Variants in BAZ2B observed in about 807,000 individuals in gnomAD.
BAZ2B encodes bromodomain adjacent to zinc finger domain 2B.
A neutral mutation model predicts 246.0 loss-of-function variants in BAZ2B; 91 were observed. The observed-to-expected ratio is 0.37, with a 90% CI of 0.31 to 0.44. The LOEUF (loss-of-function observed/expected upper bound fraction) is 0.44. Ranked by LOEUF, BAZ2B falls within the 20% of genes least tolerant of loss-of-function variation. BAZ2B has a pLI of 1.00. For missense variants in BAZ2B, 2,332 were observed against 2,533.7 expected (o/e 0.92, Z 1.71); for synonymous variants, 855 against 860.0 (o/e 0.99, Z 0.10).
intron 2 of BAZ2B, among the ~76,000 whole-genome samples, chr2:159,508,619 A>G (rs1048663508): frequency 2.9e-4 from 44 of 152,324 alleles, no homozygotes; most frequent in African/African-American, 1.0e-3. Flanking sequence ...AATAAAAAAA[A>G]AAATTCCATG....
At chr2:159,603,356 G>A (rs985545135) in intron 1 of BAZ2B, among the ~76,000 whole-genome samples, 2 of 152,154 alleles carry the variant, frequency 1.3e-5, no homozygotes, top group Non-Finnish European at 2.9e-5. Flanking sequence ...TTAAAATGCC[G>A]TAAGGAGGCA....
chr2:159,622,987 A>T, the BAZ2B span, among the ~76,000 whole-genome samples: 1 of 130,050 alleles, frequency 7.7e-6, no homozygotes, highest in African/African-American at 2.6e-5. Context: ...AAAAAAAAAG[A>T]AGAATGAAAG....
chr2:159,695,114 TTGAC>T, the BAZ2B span: 1 of 152,246 alleles, frequency 6.6e-6, no homozygotes, highest in Admixed American at 6.5e-5. Flanking sequence ...TATGCATTTA[TTGAC>T]TATTTTTATA....
At chr2:159,350,678 C>G (rs1463974029) in intron 27 of BAZ2B, among the ~76,000 whole-genome samples, 5 of 152,172 alleles carry the variant, frequency 3.3e-5, no homozygotes, top group Non-Finnish European at 7.4e-5. Flanking sequence ...TCAAGCGATT[C>G]TCCTGCTTCA....
At position 159,486,731 on chromosome 2, in the gene BAZ2B, A is replaced by G. The variant is rs545874540; in HGVS notation, c.-2-8010T>C. Among the ~76,000 whole-genome samples the G allele has an allele frequency of 7.2e-5, 11 of 152,082 alleles. No individual in the cohort carries two copies. In the South Asian group the frequency reaches 2.3e-3, roughly 32 times the overall value. ...AAACACATTGGTAAATGTATACATA[A>G]AGGATATTTATTACACCACTATAAT... On this transcript the variant is annotated intron_variant, in intron 2 of 36. Transcript: ENST00000392783.
intron 3 of BAZ2B, among the ~76,000 whole-genome samples, chr2:159,474,603 C>T (rs559855971): frequency 9.9e-5 from 15 of 152,126 alleles, no homozygotes; most frequent in Middle Eastern, 3.4e-3. Context: ...GTCATTATGA[C>T]GCTAGTTGGT....
At chr2:159,557,703 A>G (rs1465191532) in intron 1 of BAZ2B, among the ~76,000 whole-genome samples, 1 of 152,222 alleles carries the variant, frequency 6.6e-6, no homozygotes, top group Non-Finnish European at 1.5e-5. Context: ...GCACAAGTTT[A>G]GTACCTGGAA....
chr2:159,605,345 A>C (rs1238073700), intron 1 of BAZ2B, among the ~76,000 whole-genome samples: 1 of 152,032 alleles, frequency 6.6e-6, no homozygotes, highest in Non-Finnish European at 1.5e-5. Flanking sequence ...TTGATAAGTG[A>C]TTTTTATTTA....
chr2:159,551,693 A>C (rs1445372517), intron 2 of BAZ2B, among the ~76,000 whole-genome samples: 1 of 152,150 alleles, frequency 6.6e-6, no homozygotes, highest in African/African-American at 2.4e-5. Flanking sequence ...ACTTTCTATA[A>C]ATGCTATTTA....
At chr2:159,348,609 T>C (rs2058229581) in intron 30 of BAZ2B, 69 bp downstream of exon 30, 54 of 1,500,932 alleles carry the variant, frequency 3.6e-5, no homozygotes, top group Non-Finnish European at 4.3e-5. Context: ...TGTACTAAAA[T>C]ATGGTTTAGA....
intron 16 of BAZ2B, among the ~76,000 whole-genome samples, chr2:159,401,954 T>C (rs564967841): frequency 1.3e-5 from 2 of 152,302 alleles, no homozygotes; most frequent in South Asian, 2.1e-4. Context: ...AGATGCTAGT[T>C]GTACCTATTG....
chr2:159,345,717 G>A (rs964531230), intron 31 of BAZ2B, among the ~76,000 whole-genome samples: 2 of 150,680 alleles, frequency 1.3e-5, no homozygotes, highest in East Asian at 3.9e-4. Flanking sequence ...TAGGGCTTAT[G>A]GAACCAATCA....
chr2:159,525,682 T>C (rs2084657046), intron 2 of BAZ2B, among the ~76,000 whole-genome samples: 1 of 152,098 alleles, frequency 6.6e-6, no homozygotes. Context: ...TAAGGAATAC[T>C]CAACCTGTAC....
chr2:159,406,086 G>A (rs2065888357), intron 14 of BAZ2B, among the ~76,000 whole-genome samples: 2 of 152,174 alleles, frequency 1.3e-5, no homozygotes, highest in Non-Finnish European at 2.9e-5. Context: ...TTTTATCCAT[G>A]ACATTTGTAA....
chr2:159,576,947 C>CAGG (rs1180919659), intron 1 of BAZ2B, among the ~76,000 whole-genome samples: 2 of 147,966 alleles, frequency 1.4e-5, no homozygotes, highest in Non-Finnish European at 3.0e-5. Context: ...AAAGTGTGGC[C>CAGG]AGGCACGGTG....
In BAZ2B at chr2:159,350,180, C is replaced by T. The variant is rs1559062533; in HGVS notation, c.4391G>A (p.Gly1464Asp). Reference protein sequence around the residue: ...DNTNLFLQKPGSFSKLSKLLE... With the variant: ...DNTNLFLQKPDSFSKLSKLLE... The stretch of plus-strand genomic sequence containing the variant: ...AAGCTTGCTTAATTTGGAAAAAGAG[C>T]CAGGTTTCTGAAGGAATAGATTTGT... The change falls in exon 28 of 37, where the codon GGC becomes GAC. Residue 1464 changes from glycine to aspartate, a missense_variant. Coordinates refer to ENST00000392783, the MANE Select transcript of BAZ2B (RefSeq NM_013450.4). 4 of 1,614,018 alleles carry T rather than the reference C, an allele frequency of 2.5e-6. No individual in the cohort carries two copies. Among genetic ancestry groups the T allele is most frequent in the Non-Finnish European group, 2.5e-6 (3 of 1,179,972 alleles).
intron 1 of BAZ2B, among the ~76,000 whole-genome samples, chr2:159,577,924 G>A (rs1169440789): frequency 6.6e-6 from 1 of 152,098 alleles, no homozygotes; most frequent in Non-Finnish European, 1.5e-5. Context: ...TTATGTTAGA[G>A]GACTTAAGTA....
intron 3 of BAZ2B, among the ~76,000 whole-genome samples, chr2:159,455,817 C>G (rs1269869657): frequency 3.3e-5 from 2 of 61,278 alleles, no homozygotes; most frequent in Non-Finnish European, 5.9e-5. Flanking sequence ...CAGCTAGTTT[C>G]TCAAAAAAAT....
chr2:159,525,228 G>C (rs566141006), intron 2 of BAZ2B, among the ~76,000 whole-genome samples: 3 of 152,168 alleles, frequency 2.0e-5, no homozygotes, highest in African/African-American at 7.2e-5. Context: ...ATCCCAAGGG[G>C]AAGGACAACA....
Sources: gnomAD v4.1 joint callset for allele counts (sites outside exome capture counted in the v4.1 genomes callset) on GRCh38, gnomAD v4.1.1 for gene constraint, MANE v1.5 for transcripts, NCBI Gene and HGNC (gene_info 2026-07-23, HGNC 2026-07-21) for gene names.